Variants in IGSF21 observed in about 807,000 individuals in gnomAD.
IGSF21 encodes the protein immunoglobulin superfamily member 21.
In IGSF21, 28 loss-of-function variants were observed where a neutral mutation model predicts 46.8. The ratio of observed to expected loss-of-function variants is 0.60; its 90% CI spans 0.44 to 0.82. The LOEUF (loss-of-function observed/expected upper bound fraction) is 0.82. Among genes scored for constraint, IGSF21 ranks in the 40% least tolerant of loss-of-function variants. IGSF21 has a pLI of 0.00. For missense variants in IGSF21, 624 were observed against 665.5 expected (o/e 0.94, Z 0.69); for synonymous variants, 284 against 273.6 (o/e 1.04, Z -0.38).
chr1:18,169,108 G>A (rs114177154), intron 1 of IGSF21, among the ~76,000 whole-genome samples: 1,577 of 152,356 alleles, frequency 0.01, 28 homozygotes, highest in African/African-American at 0.036. Flanking sequence ...AATATTTAAT[G>A]AGTGATGATG....
chr1:18,376,785 T>G lies in IGSF21; in HGVS notation c.1102-15T>G. On this transcript the variant is annotated splice_polypyrimidine_tract_variant and intron_variant, in intron 7 of 9. Transcript: ENST00000251296. ...GCCCTCCTGTGACCCACCTCTCCCC[T>G]GATCTGGCCAACAGAACGAAGTCTT... 1 of 1,571,692 alleles carries G rather than the reference T, an allele frequency of 6.4e-7. No homozygotes were observed.
chr1:18,239,864 A>G (rs1408181736), intron 2 of IGSF21, among the ~76,000 whole-genome samples: 1 of 152,116 alleles, frequency 6.6e-6, no homozygotes, highest in Non-Finnish European at 1.5e-5. Flanking sequence ...AACACTCTCA[A>G]AATACTAAGC....
chr1:18,283,524 G>C (rs1203843397), intron 2 of IGSF21, among the ~76,000 whole-genome samples: 1 of 152,190 alleles, frequency 6.6e-6, no homozygotes, highest in African/African-American at 2.4e-5. Context: ...TGGGCAGGGA[G>C]GTTTAGGGGA....
chr1:18,191,500 A>C (rs74058324), intron 1 of IGSF21, among the ~76,000 whole-genome samples: 1 of 152,000 alleles, frequency 6.6e-6, no homozygotes, highest in African/African-American at 2.4e-5. Context: ...CTCTGGGGGA[A>C]GGAGGGGTTG....
intron 2 of IGSF21, among the ~76,000 whole-genome samples, chr1:18,286,008 G>A (rs534540565): frequency 4.7e-4 from 71 of 152,200 alleles, no homozygotes; most frequent in Admixed American, 1.9e-3. Flanking sequence ...GATCCTTCCC[G>A]TTTTGCAGAT....
At chr1:18,194,040 G>A (rs2086984003) in intron 1 of IGSF21, among the ~76,000 whole-genome samples, 1 of 152,134 alleles carries the variant, frequency 6.6e-6, no homozygotes, top group Non-Finnish European at 1.5e-5. Context: ...ATGATCATGT[G>A]GGCTGTTTCC....
chr1:18,254,905 G>A (rs1180681607), intron 2 of IGSF21, among the ~76,000 whole-genome samples: 1 of 151,898 alleles, frequency 6.6e-6, no homozygotes, highest in Non-Finnish European at 1.5e-5. Context: ...CATTCATCCA[G>A]CACTTATTTT....
At chr1:18,218,160 C>A (rs978600443) in intron 1 of IGSF21, among the ~76,000 whole-genome samples, 3 of 152,084 alleles carry the variant, frequency 2.0e-5, no homozygotes, top group Admixed American at 6.5e-5. Flanking sequence ...GGCTGGGAGG[C>A]CTTGGGAAAC....
chr1:18,291,949 C>T lies in IGSF21; in HGVS notation c.267C>T (p.Tyr89=), dbSNP rs749335474. 10 of 1,613,988 alleles carry T rather than the reference C, an allele frequency of 6.2e-6. No homozygotes were observed. Among genetic ancestry groups the T allele is most frequent in the African/African-American group, 1.3e-5 (1 of 74,912 alleles). Residue 89 remains tyrosine, a synonymous_variant, in exon 3 of 10, where the codon TAC becomes TAT. Transcript: ENST00000251296. ...CCAACTACTCACACATGGAGAACTACCGCAAGCGAGAGGACCTGGTGTACC... is the reference window on the plus strand; with the variant it reads ...CCAACTACTCACACATGGAGAACTATCGCAAGCGAGAGGACCTGGTGTACC... ...FSTNYSHMEN[Y]RKREDLVYQS...
chr1:18,117,215 C>T (rs1055170796), intron 1 of IGSF21, among the ~76,000 whole-genome samples: 1 of 152,216 alleles, frequency 6.6e-6, no homozygotes, highest in Non-Finnish European at 1.5e-5. Flanking sequence ...GAAATGCCAT[C>T]GTTTGGAGAT....
chr1:18,139,835 A>G (rs2086399582), intron 1 of IGSF21, among the ~76,000 whole-genome samples: 1 of 152,234 alleles, frequency 6.6e-6, no homozygotes, highest in Non-Finnish European at 1.5e-5. Flanking sequence ...ATCCCTGGCC[A>G]GTGCACAGGG....
intron 2 of IGSF21, among the ~76,000 whole-genome samples, chr1:18,261,862 C>T (rs867841637): frequency 1.2e-4 from 18 of 152,088 alleles, no homozygotes; most frequent in African/African-American, 3.4e-4. Context: ...TTGGAGGTGA[C>T]GTCGGGAAGT....
At chr1:18,325,553 G>T (rs542954087) in intron 3 of IGSF21, among the ~76,000 whole-genome samples, 1 of 152,210 alleles carries the variant, frequency 6.6e-6, no homozygotes, top group African/African-American at 2.4e-5. Flanking sequence ...GGAAAAATTA[G>T]ACCACAACTC....
intron 3 of IGSF21, among the ~76,000 whole-genome samples, chr1:18,324,342 C>T (rs912981800): frequency 6.6e-6 from 1 of 152,248 alleles, no homozygotes; most frequent in Admixed American, 6.5e-5. Context: ...TGGCTCACAG[C>T]AGCCACAGCT....
chr1:18,228,084 C>CAGTGAGGGTGT, intron 2 of IGSF21, 74 bp downstream of exon 2: 1 of 1,173,288 alleles, frequency 8.5e-7, no homozygotes, highest in Non-Finnish European at 1.3e-6. Context: ...CTCTGGACAC[C>CAGTGAGGGTGT]CTCACTGGTG....
At position 18,334,481 on chromosome 1, in the gene IGSF21, T is replaced by A. The variant is rs2085745694; in HGVS notation, c.306-411T>A. On this transcript the variant is annotated intron_variant, in intron 3 of 9. Coordinates refer to ENST00000251296, the MANE Select transcript of IGSF21 (RefSeq NM_032880.5). This position sits in a 1 kb window ranked among gnomAD's most constrained non-coding sequence, Gnocchi z 4.3. ...GAATATGGACCCTATGTGGAGGCCG[T>A]CATGAGGAAAGAGGGAGCCGATGCC... 1.3e-5 allele frequency among the ~76,000 whole-genome samples: 2 copies of A among 152,082 alleles called. No individual in the cohort carries two copies. Among genetic ancestry groups the A allele is most frequent in the Non-Finnish European group, 2.9e-5 (2 of 68,016 alleles).
At chr1:18,156,550 A>G (rs938684617) in intron 1 of IGSF21, among the ~76,000 whole-genome samples, 17 of 151,972 alleles carry the variant, frequency 1.1e-4, no homozygotes, top group African/African-American at 4.1e-4. Context: ...AACCAAGTTC[A>G]CTCTTGCTGA....
chr1:18,338,475 G>A (rs923629726), intron 4 of IGSF21, among the ~76,000 whole-genome samples: 1 of 152,138 alleles, frequency 6.6e-6, no homozygotes, highest in African/African-American at 2.4e-5. Context: ...CCAGTTTGGA[G>A]GTCAATGGGA....
chr1:18,310,549 G>T (rs1447170008), intron 3 of IGSF21, among the ~76,000 whole-genome samples: 1 of 152,224 alleles, frequency 6.6e-6, no homozygotes, highest in African/African-American at 2.4e-5. Context: ...GACAAGTAAA[G>T]CTGCTTTGAA....
Sources: allele counts gnomAD v4.1 joint callset (sites outside exome capture counted in the v4.1 genomes callset), GRCh38; gene constraint gnomAD v4.1.1; non-coding constraint Gnocchi (gnomAD v3.1); transcripts MANE v1.5; gene names NCBI Gene and HGNC (gene_info 2026-07-23, HGNC 2026-07-21).